The following NR5A2 variants were observed in gnomAD, a reference collection of about 807,000 sequenced individuals.
The protein encoded by NR5A2 is CYP7A promoter-binding factor.
NR5A2 carries 26 observed loss-of-function variants against 62.7 expected under a neutral mutation model. The ratio of observed to expected loss-of-function variants is 0.41; its 90% CI spans 0.30 to 0.58. NR5A2 has a LOEUF of 0.58. NR5A2 is among the 20% of genes least tolerant of loss of function. The probability of loss-of-function intolerance (pLI) is 0.22; values close to 1 mark genes in which losing one functional copy is unlikely to be tolerated. For synonymous variants in NR5A2, 246 were observed against 241.7 expected (o/e 1.02, Z -0.16); for missense variants, 541 against 669.1 (o/e 0.81, Z 2.11).
intron 5 of NR5A2, chr1:200,058,266 TTGAC>T (rs1663018528): frequency 6.6e-6 from 1 of 152,190 alleles, no homozygotes; most frequent in African/African-American, 2.4e-5. Flanking sequence ...CTCCTATGAA[TTGAC>T]TATCACCTGT....
chr1:200,065,915 A>G (rs2816917), intron 5 of NR5A2, among the ~76,000 whole-genome samples: 8,925 of 152,236 alleles, frequency 0.059, 786 homozygotes, highest in African/African-American at 0.2. Context: ...AAAATAAAGG[A>G]AGGTCACTAC....
Position 200,147,742 on chromosome 1 carries a change from G to A in NR5A2, c.1379-26221G>A. Reference sequence around the variant, plus strand: ...CCTGAGCGCCTCTCCCACGTCCACGGTGAAGACGCGGATGCCGGCGCGAAT... The same window carrying A: ...CCTGAGCGCCTCTCCCACGTCCACGATGAAGACGCGGATGCCGGCGCGAAT... On this transcript the variant is annotated intron_variant, in intron 7 of 7. Transcript: ENST00000367362. The surrounding 1 kb of genome is among the most constrained non-coding windows in gnomAD (Gnocchi z 4.9). 1 of 563,102 alleles carries A rather than the reference G, an allele frequency of 1.8e-6. No homozygotes were observed. The allele number at this position is 563,102 out of a possible 1,614,324, so 34.9% of individuals were successfully genotyped here.
rs549692239 is a variant in NR5A2, at chr1:200,111,422, A to G, written c.1230+101A>G. 9.1e-4 allele frequency: 1,186 copies of G among 1,309,744 alleles called. 29 individuals are homozygous for G. In the South Asian group the frequency reaches 0.016, roughly 18 times the overall value. 81.1% of individuals were successfully genotyped at this position (1,309,744 alleles called of 1,614,324 possible). ...GTCAGAAGCACTCTTGTGCTTTGAA[A>G]GGGAGAGATTGGCTGCCAATAATTT... is the stretch of plus-strand genomic sequence containing the variant. On this transcript the variant is annotated intron_variant, in intron 6 of 7. Coordinates refer to ENST00000367362, the MANE Select transcript of NR5A2 (RefSeq NM_205860.3).
chr1:200,168,210 CTTTTT>C (rs1164744059), intron 7 of NR5A2, among the ~76,000 whole-genome samples: 4 of 141,144 alleles, frequency 2.8e-5, no homozygotes, highest in African/African-American at 1.1e-4. Flanking sequence ...TTTATATCTA[CTTTTT>C]TTTTTTTTTT....
intron 5 of NR5A2, among the ~76,000 whole-genome samples, chr1:200,091,492 T>C (rs1664813180): frequency 6.7e-6 from 1 of 150,342 alleles, no homozygotes; most frequent in Admixed American, 6.6e-5. Context: ...TTCTTTTTTT[T>C]TTTTTTTTTT....
chr1:200,059,211 G>A (rs917866080), intron 5 of NR5A2, among the ~76,000 whole-genome samples: 1 of 152,130 alleles, frequency 6.6e-6, no homozygotes, highest in Non-Finnish European at 1.5e-5. Flanking sequence ...CTTGTTGGTT[G>A]CAGAGACTTC....
At chr1:200,059,921 C>T (rs892632383) in intron 5 of NR5A2, among the ~76,000 whole-genome samples, 1 of 152,132 alleles carries the variant, frequency 6.6e-6, no homozygotes, top group Admixed American at 6.5e-5. Flanking sequence ...GAAAACCACC[C>T]ACAGCCAAGA....
chr1:200,157,452 T>A lies in NR5A2; in HGVS notation c.1379-16511T>A, dbSNP rs574056687. ...CACTTACGAAACCAATATGATCAGA[T>A]AATAAGATATCTTACTATTATCACT... is the stretch of plus-strand genomic sequence containing the variant. On this transcript the variant is annotated intron_variant, in intron 7 of 7. Transcript: ENST00000367362. 3.9e-5 allele frequency among the ~76,000 whole-genome samples: 6 copies of A among 152,290 alleles called. No individual in the cohort carries two copies. In the South Asian group the frequency reaches 6.2e-4, roughly 16 times the overall value.
At chr1:200,030,303 T>C (rs771453611) in intron 1 of NR5A2, among the ~76,000 whole-genome samples, 3 of 152,178 alleles carry the variant, frequency 2.0e-5, no homozygotes, top group Non-Finnish European at 2.9e-5. Flanking sequence ...AAAAGCTGTC[T>C]CCATGGTTTT....
intron 7 of NR5A2, among the ~76,000 whole-genome samples, chr1:200,130,448 T>C (rs1666925102): frequency 6.6e-6 from 1 of 152,208 alleles, no homozygotes; most frequent in African/African-American, 2.4e-5. Context: ...ATTTGCTATA[T>C]GGCAAATCTA....
intron 1 of NR5A2, among the ~76,000 whole-genome samples, chr1:200,038,173 G>T (rs1193379913): frequency 1.3e-5 from 2 of 152,206 alleles, no homozygotes; most frequent in Non-Finnish European, 2.9e-5. Context: ...CGTAACAGAT[G>T]GTTCTTTAAA....
At chr1:200,037,642 A>G (rs564417682) in intron 1 of NR5A2, among the ~76,000 whole-genome samples, 1 of 152,344 alleles carries the variant, frequency 6.6e-6, no homozygotes, top group African/African-American at 2.4e-5. Context: ...GTGATACTTG[A>G]TACTATCACA....
Position 200,080,359 on chromosome 1 carries a change from A to G in NR5A2, c.1111-30843A>G, listed in dbSNP as rs1664238554. 2.0e-5 allele frequency among the ~76,000 whole-genome samples: 3 copies of G among 152,332 alleles called. No homozygotes were observed. In the South Asian group the frequency reaches 6.2e-4, roughly 32 times the overall value. ...CTTAATGTTCATAGACTTAATATTC[A>G]TGAAAATATTTGGATTCTAATATGC... On this transcript the variant is annotated intron_variant, in intron 5 of 7. Transcript: ENST00000367362.
At chr1:200,165,043 A>C (rs1653833421) in intron 7 of NR5A2, among the ~76,000 whole-genome samples, 1 of 150,762 alleles carries the variant, frequency 6.6e-6, no homozygotes, top group African/African-American at 2.4e-5. Flanking sequence ...CACCCAGCTA[A>C]TTTTTATATT....
intron 5 of NR5A2, among the ~76,000 whole-genome samples, chr1:200,074,756 A>AAAAAAAAAAAAAAAAC (rs1304164782): frequency 2.9e-5 from 4 of 137,690 alleles, no homozygotes; most frequent in African/African-American, 1.1e-4. Flanking sequence ...AAAAAAAAAA[A>AAAAAAAAAAAAAAAAC]CACGAGAGAA....
rs147762900 is a variant in NR5A2, at chr1:200,152,551, G to C, written c.1379-21412G>C. Among the ~76,000 whole-genome samples the C allele has an allele frequency of 6.8e-3, 1,043 of 152,272 alleles. 15 individuals are homozygous for C. The highest frequency in any genetic ancestry group is 0.045 in the South Asian group (217 of 4,828). On this transcript the variant is annotated intron_variant, in intron 7 of 7. Coordinates refer to ENST00000367362, the MANE Select transcript of NR5A2 (RefSeq NM_205860.3). ...AACAGGAAACAAACTAAAACCTTGA[G>C]TACCAGGTTAACTTCCCCAAAATAC...
intron 6 of NR5A2, among the ~76,000 whole-genome samples, chr1:200,117,764 A>C (rs1256643928): frequency 2.0e-5 from 3 of 150,782 alleles, no homozygotes; most frequent in Admixed American, 2.0e-4. Context: ...CCCAGGCTGG[A>C]GTGCAATGGC....
chr1:200,145,468 TTGTGTG>T (rs66885184), intron 7 of NR5A2, among the ~76,000 whole-genome samples: 8,775 of 142,102 alleles, frequency 0.062, 288 homozygotes, highest in South Asian at 0.075. Context: ...TTGATAGAAT[TTGTGTG>T]TGTGTGTGTG....
chr1:200,123,347 T>C (rs1398772733), intron 7 of NR5A2, among the ~76,000 whole-genome samples: 1 of 152,208 alleles, frequency 6.6e-6, no homozygotes, highest in Non-Finnish European at 1.5e-5. Context: ...CTAGAAGCAC[T>C]ACCAGTGTGA....
Sources: allele counts gnomAD v4.1 joint callset (sites outside exome capture counted in the v4.1 genomes callset), GRCh38; gene constraint gnomAD v4.1.1; non-coding constraint Gnocchi (gnomAD v3.1); transcripts MANE v1.5; gene names NCBI Gene and HGNC (gene_info 2026-07-23, HGNC 2026-07-21).